Variants in SWT1 observed in about 807,000 individuals in gnomAD.
SWT1 encodes the protein SWT1 RNA endoribonuclease homolog.
In SWT1, 33 loss-of-function variants were observed where a neutral mutation model predicts 107.3. The ratio of observed to expected loss-of-function variants is 0.31; its 90% CI spans 0.23 to 0.41. The LOEUF is 0.41. SWT1 is among the 10% of genes least tolerant of loss of function. The pLI is 1.00. For missense variants in SWT1, 898 were observed against 1,028.9 expected (o/e 0.87, Z 1.74); for synonymous variants, 345 against 348.3 (o/e 0.99, Z 0.11).
At chr1:185,192,396 C>T (rs78719864) in intron 10 of SWT1, among the ~76,000 whole-genome samples, 5,402 of 152,160 alleles carry the variant, frequency 0.036, 306 homozygotes, top group African/African-American at 0.12. Context: ...ATTTTGATAC[C>T]TGCCTTTTCT....
At chr1:185,256,514 G>T (rs1156485284) in intron 16 of SWT1, among the ~76,000 whole-genome samples, 1 of 149,776 alleles carries the variant, frequency 6.7e-6, no homozygotes, top group Non-Finnish European at 1.5e-5. Context: ...TTGCCTTCTC[G>T]CTTCATTTCA....
At chr1:185,208,489 A>G (rs770159897) in intron 13 of SWT1, among the ~76,000 whole-genome samples, 2 of 152,206 alleles carry the variant, frequency 1.3e-5, no homozygotes, top group Non-Finnish European at 2.9e-5. Context: ...GTATTTCAAA[A>G]TAGCTGTAAG....
At chr1:185,269,016 C>A (rs1220648193) in intron 16 of SWT1, among the ~76,000 whole-genome samples, 1 of 152,052 alleles carries the variant, frequency 6.6e-6, no homozygotes, top group Non-Finnish European at 1.5e-5. Context: ...CTACGCCCGG[C>A]TAATTTTTTG....
chr1:185,231,490 T>C, intron 15 of SWT1, 87 bp from the exon 16 acceptor site: 1 of 948,134 alleles, frequency 1.1e-6, no homozygotes, highest in Non-Finnish European at 1.6e-6. Flanking sequence ...TAAATACTAC[T>C]TTACTTTATA....
chr1:185,202,910 C>A, intron 11 of SWT1, 111 bp downstream of exon 11: 1 of 534,202 alleles, frequency 1.9e-6, no homozygotes, highest in Non-Finnish European at 3.0e-6. Context: ...AAAATAACAT[C>A]GTTTGGAATA....
chr1:185,219,022 C>T (rs1268429042), intron 14 of SWT1, among the ~76,000 whole-genome samples: 1 of 152,096 alleles, frequency 6.6e-6, no homozygotes, highest in Non-Finnish European at 1.5e-5. Flanking sequence ...TAGGTAAATG[C>T]TGGGCTGTAT....
At chr1:185,175,427 A>G (rs1655461214) in intron 5 of SWT1, among the ~76,000 whole-genome samples, 1 of 152,020 alleles carries the variant, frequency 6.6e-6, no homozygotes, top group Admixed American at 6.5e-5. Context: ...AGGTTTCACC[A>G]TGTTGCTTAG....
intron 16 of SWT1, among the ~76,000 whole-genome samples, chr1:185,267,630 A>G (rs760034071): frequency 1.1e-4 from 16 of 152,234 alleles, no homozygotes; most frequent in Non-Finnish European, 1.3e-4. Context: ...TCATAGCTTC[A>G]TATGCATTTG....
At chr1:185,227,532 T>C (rs1660164246) in intron 15 of SWT1, 3 of 533,348 alleles carry the variant, frequency 5.6e-6, no homozygotes, top group South Asian at 1.7e-5. Flanking sequence ...TATCTCTGTT[T>C]GTTACATGAA....
chr1:185,201,669 A>T (rs1248017474), intron 10 of SWT1, among the ~76,000 whole-genome samples: 1 of 152,158 alleles, frequency 6.6e-6, no homozygotes, highest in Non-Finnish European at 1.5e-5. Flanking sequence ...TCTAGCTGGG[A>T]GCTGCAGACT....
Position 185,174,908 on chromosome 1 carries a change from A to G in SWT1, c.761A>G (p.Asn254Ser). The G allele has an allele frequency of 6.2e-7, 1 of 1,614,080 alleles. No homozygotes were observed. Among genetic ancestry groups the G allele is most frequent in the Non-Finnish European group, 8.5e-7 (1 of 1,179,990 alleles). Reference sequence around the variant, plus strand: ...AAACTTGTAGAAGAAAATGTCTTCAACATAGATTCTAATAATTCGAAGACT... The same window carrying G: ...AAACTTGTAGAAGAAAATGTCTTCAGCATAGATTCTAATAATTCGAAGACT... The part of the protein sequence containing the change: ...LQKLVEENVF[N>S]IDSNNSKTKQ... The change falls in exon 5 of 19, where the codon AAC becomes AGC. Residue 254 changes from asparagine (N) to serine (S), a missense_variant. Physicochemically the swap from Asn to Ser is conservative, Grantham distance 46. Transcript: ENST00000367500.
chr1:185,205,843 A>G (rs1658291445), intron 12 of SWT1, among the ~76,000 whole-genome samples: 3 of 152,368 alleles, frequency 2.0e-5, no homozygotes, highest in African/African-American at 7.2e-5. Flanking sequence ...AGAGATAAGG[A>G]AAGTAATTGT....
chr1:185,163,569 T>C (rs1022660981), intron 2 of SWT1, among the ~76,000 whole-genome samples: 30 of 152,116 alleles, frequency 2.0e-4, no homozygotes, highest in Non-Finnish European at 1.0e-4. Flanking sequence ...AATTTTTTAA[T>C]ATTTTTAGTA....
At chr1:185,280,443 A>G (rs888519379) in intron 18 of SWT1, among the ~76,000 whole-genome samples, 5 of 152,098 alleles carry the variant, frequency 3.3e-5, no homozygotes, top group Non-Finnish European at 7.4e-5. Context: ...TTCTGGGATA[A>G]TCTTTTGTTC....
At chr1:185,197,922 T>G (rs1657534231) in intron 10 of SWT1, among the ~76,000 whole-genome samples, 1 of 152,180 alleles carries the variant, frequency 6.6e-6, no homozygotes, top group Non-Finnish European at 1.5e-5. Context: ...AAGGGTTTTT[T>G]GTGTCTCTAT....
At position 185,269,367 on chromosome 1, in the gene SWT1, G is replaced by GTTTT. The variant is rs1191849201; in HGVS notation, c.2442-1954_2442-1951dup. Among the ~76,000 whole-genome samples the GTTTT allele has an allele frequency of 2.8e-4, 37 of 132,502 alleles. 1 individual carries two copies. Among genetic ancestry groups the GTTTT allele is most frequent in the East Asian group, 2.7e-3 (13 of 4,864 alleles). 86.9% of individuals were successfully genotyped at this position (132,502 alleles called of 152,430 possible). ...CAGGGCTTTTTTGGAGGGTTAAGAGGTTTTTGTTTTTTTTTTTTTTTGTAT... is the reference window on the plus strand; with the variant it reads ...CAGGGCTTTTTTGGAGGGTTAAGAGGTTTTTTTTTGTTTTTTTTTTTTTTTGTAT... On this transcript the variant is annotated intron_variant, in intron 16 of 18. Coordinates refer to ENST00000367500, the MANE Select transcript of SWT1 (RefSeq NM_017673.7).
chr1:185,278,158 A>G (rs894244753), intron 18 of SWT1, among the ~76,000 whole-genome samples: 13 of 152,150 alleles, frequency 8.5e-5, no homozygotes, highest in Non-Finnish European at 1.8e-4. Context: ...CACAGGGTAT[A>G]GTTGTGAAGC....
rs144252215 is a variant in SWT1 at position 185,226,679 on chromosome 1, CA to C, written c.2309+4648del. 2,043 of 430,678 alleles carry C rather than the reference CA, an allele frequency of 4.7e-3. 28 individuals carry two copies. The highest frequency in any genetic ancestry group is 0.04 in the African/African-American group (1,899 of 47,522). 26.7% of individuals were successfully genotyped at this position (430,678 alleles called of 1,614,324 possible). On this transcript the variant is annotated intron_variant, in intron 15 of 18. Coordinates refer to ENST00000367500, the MANE Select transcript of SWT1 (RefSeq NM_017673.7). ...TACTACTGATTCAAATTAAAACAAA[CA>C]AAAACAAACAAACAAAAGCTTCCCT...
At chr1:185,166,961 G>A (rs772638578) in intron 3 of SWT1, among the ~76,000 whole-genome samples, 7 of 152,040 alleles carry the variant, frequency 4.6e-5, no homozygotes, top group Admixed American at 1.3e-4. Context: ...AGGCTGGAGT[G>A]CAGTGGTGCC....
Sources: gnomAD v4.1 joint callset for allele counts (sites outside exome capture counted in the v4.1 genomes callset) on GRCh38, gnomAD v4.1.1 for gene constraint, MANE v1.5 for transcripts, NCBI Gene and HGNC (gene_info 2026-07-23, HGNC 2026-07-21) for gene names.